The following CCDC102B variants were observed in gnomAD, a reference collection of about 807,000 sequenced individuals.
CCDC102B encodes the protein coiled-coil domain containing 102B, also known as coiled-coil domain-containing protein 102B.
In CCDC102B, 75 loss-of-function variants were observed where a neutral mutation model predicts 57.4. The ratio of observed to expected loss-of-function variants is 1.31; its 90% confidence interval spans 1.08 to 1.58. CCDC102B has a LOEUF of 1.58. Ranked by LOEUF, CCDC102B falls within the 40% of genes most tolerant of loss-of-function variation. The pLI is 0.00. For synonymous variants in CCDC102B, 206 were observed against 201.9 expected (o/e 1.02, Z -0.17); for missense variants, 636 against 582.6 (o/e 1.09, Z -0.94).
intron 4 of CCDC102B, among the ~76,000 whole-genome samples, chr18:68,861,613 T>C (rs1599589311): frequency 6.6e-6 from 1 of 152,306 alleles, no homozygotes; most frequent in East Asian, 1.9e-4. Flanking sequence ...TATGAGGTTT[T>C]CCACTCTGAC....
At chr18:68,869,383 C>T (rs557147272) in intron 4 of CCDC102B, among the ~76,000 whole-genome samples, 2 of 152,258 alleles carry the variant, frequency 1.3e-5, no homozygotes, top group East Asian at 3.9e-4. Flanking sequence ...TGAACAAGGG[C>T]ATTGTCAACT....
At chr18:68,851,394 C>G (rs12967563) in intron 4 of CCDC102B, among the ~76,000 whole-genome samples, 1 of 151,974 alleles carries the variant, frequency 6.6e-6, no homozygotes, top group East Asian at 1.9e-4. Context: ...AGATAAAACA[C>G]CATAGTAGAA....
intron 4 of CCDC102B, among the ~76,000 whole-genome samples, chr18:68,857,583 A>G (rs1368321097): frequency 6.6e-6 from 1 of 150,870 alleles, no homozygotes; most frequent in Non-Finnish European, 1.5e-5. Flanking sequence ...ATACAAAACC[A>G]TATGCCAATA....
intron 2 of CCDC102B, among the ~76,000 whole-genome samples, chr18:68,728,521 A>G (rs2032705796): frequency 6.6e-6 from 1 of 152,170 alleles, no homozygotes; most frequent in African/African-American, 2.4e-5. Flanking sequence ...ATTATGTTGC[A>G]ACTGTGCTCT....
chr18:69,030,447 C>T (rs1181994544), intron 7 of CCDC102B, among the ~76,000 whole-genome samples: 1 of 152,128 alleles, frequency 6.6e-6, no homozygotes, highest in African/African-American at 2.4e-5. Flanking sequence ...TTATAGTAGA[C>T]ACATGCAGGA....
chr18:68,868,189 T>A (rs563527406), intron 4 of CCDC102B, among the ~76,000 whole-genome samples: 1 of 152,264 alleles, frequency 6.6e-6, no homozygotes, highest in African/African-American at 2.4e-5. Context: ...TCACTAAAAA[T>A]TTTATTTTTG....
chr18:68,742,935 CT>C, intron 2 of CCDC102B, among the ~76,000 whole-genome samples: 1 of 152,264 alleles, frequency 6.6e-6, no homozygotes, highest in South Asian at 2.1e-4. Flanking sequence ...CTGGCTTTAA[CT>C]TTTGGCCAAG....
chr18:68,980,774 C>T (rs1025413132), intron 6 of CCDC102B, among the ~76,000 whole-genome samples: 12 of 151,922 alleles, frequency 7.9e-5, no homozygotes, highest in African/African-American at 2.7e-4. Context: ...GTGGTTTAAG[C>T]GGGAGTGAGA....
In CCDC102B at chr18:68,980,506, C is replaced by T. The variant is rs1474395005; in HGVS notation, c.1264-30428C>T. Among the ~76,000 whole-genome samples the T allele has an allele frequency of 2.0e-5, 3 of 151,724 alleles. No individual in the cohort carries two copies. In the East Asian group the frequency reaches 5.8e-4, roughly 29 times the overall value. ...AACAAATGATACCTAACTGTATACT[C>T]CCTAAGAAAGATTAATTTTTTGTTT... On this transcript the variant is annotated intron_variant, in intron 6 of 7. Transcript: ENST00000360242.
rs527716678 is a variant in CCDC102B, at chr18:68,730,306, C to A, written c.-67+13712C>A. ...AAAAATTTAGTGCCGTGTTTTCTTT[C>A]TCTTAAAAAATTCTATATTTACTTC... On this transcript the variant is annotated intron_variant, in intron 2 of 3. Coordinates refer to the CCDC102B transcript ENST00000578970. Among the ~76,000 whole-genome samples the A allele has an allele frequency of 3.3e-5, 5 of 152,194 alleles. No individual in the cohort carries two copies. In the East Asian group the frequency reaches 9.6e-4, roughly 29 times the overall value.
intron 6 of CCDC102B, among the ~76,000 whole-genome samples, chr18:69,007,512 C>G (rs1352692308): frequency 2.0e-5 from 3 of 152,174 alleles, no homozygotes; most frequent in Non-Finnish European, 4.4e-5. Flanking sequence ...AATATAGTCA[C>G]TGACAAGAGG....
chr18:69,000,265 C>T (rs1434406553), intron 6 of CCDC102B, among the ~76,000 whole-genome samples: 1 of 151,914 alleles, frequency 6.6e-6, no homozygotes, highest in East Asian at 1.9e-4. Context: ...ATGCATTTAC[C>T]ATGCACAATG....
intron 4 of CCDC102B, among the ~76,000 whole-genome samples, chr18:68,868,123 T>C (rs1568300186): frequency 6.6e-6 from 1 of 152,084 alleles, no homozygotes; most frequent in Non-Finnish European, 1.5e-5. Context: ...CCATATACCA[T>C]TTTTTTCTAA....
chr18:68,862,340 A>T (rs961928082), intron 4 of CCDC102B, among the ~76,000 whole-genome samples: 3 of 152,294 alleles, frequency 2.0e-5, no homozygotes, highest in African/African-American at 4.8e-5. Context: ...TAAAATGTGT[A>T]ACCTTGGATT....
intron 2 of CCDC102B, among the ~76,000 whole-genome samples, chr18:68,765,301 GAA>G (rs2034394319): frequency 2.4e-5 from 2 of 82,102 alleles, no homozygotes; most frequent in South Asian, 9.3e-4. Context: ...AGAAAGGAAG[GAA>G]GGAAGGAAGG....
At chr18:68,998,350 C>CATGT (rs1393137150) in intron 6 of CCDC102B, among the ~76,000 whole-genome samples, 4 of 147,532 alleles carry the variant, frequency 2.7e-5, no homozygotes, top group Non-Finnish European at 4.5e-5. Flanking sequence ...TACATACACA[C>CATGT]ATGTATATAT....
At chr18:68,948,098 T>A (rs1212632933) in intron 6 of CCDC102B, among the ~76,000 whole-genome samples, 2 of 152,110 alleles carry the variant, frequency 1.3e-5, no homozygotes, top group African/African-American at 4.8e-5. Context: ...TTTAACTTAT[T>A]TTTATTTTTG....
At chr18:68,874,174 G>A (rs919890224) in intron 4 of CCDC102B, among the ~76,000 whole-genome samples, 11 of 24,014 alleles carry the variant, frequency 4.6e-4, no homozygotes, top group African/African-American at 1.9e-3. Context: ...GTGTGTATGT[G>A]TGTGTGTGTG....
intron 2 of CCDC102B, among the ~76,000 whole-genome samples, chr18:68,752,775 G>C (rs1159692892): frequency 6.6e-6 from 1 of 152,048 alleles, no homozygotes; most frequent in African/African-American, 2.4e-5. Context: ...ATGATTACAA[G>C]AGATACTGCT....
Sources: gnomAD v4.1 joint callset for allele counts (sites outside exome capture counted in the v4.1 genomes callset) on GRCh38, gnomAD v4.1.1 for gene constraint, MANE v1.5 for transcripts, NCBI Gene and HGNC (gene_info 2026-07-23, HGNC 2026-07-21) for gene names.